SYT16: variants seen among roughly 807,000 people sequenced by gnomAD.
SYT16 encodes the protein synaptotagmin-16.
In SYT16, 42 loss-of-function variants were observed where a neutral mutation model predicts 61.4. The ratio of observed to expected loss-of-function variants is 0.68; its 90% CI spans 0.53 to 0.89. The LOEUF (loss-of-function observed/expected upper bound fraction) is 0.89. Among genes scored for constraint, SYT16 ranks in the 40% least tolerant of loss-of-function variants. SYT16 has a pLI of 0.00. For synonymous variants in SYT16, 314 were observed against 302.3 expected (o/e 1.04, Z -0.40); for missense variants, 804 against 807.3 (o/e 1.00, Z 0.05).
At chr14:61,980,526 T>C (rs1170461853) in intron 2 of SYT16, among the ~76,000 whole-genome samples, 2 of 152,218 alleles carry the variant, frequency 1.3e-5, no homozygotes, top group Non-Finnish European at 2.9e-5. Context: ...GCCCATCACC[T>C]GTTTGGTGTG....
intron 1 of SYT16, among the ~76,000 whole-genome samples, chr14:61,933,970 TGA>T (rs1194472674): frequency 3.3e-5 from 5 of 152,296 alleles, no homozygotes; most frequent in East Asian, 3.9e-4. Context: ...TGTGTATATA[TGA>T]GAGTGTGTGT....
chr14:61,936,403 G>A (rs1297859971), intron 1 of SYT16, among the ~76,000 whole-genome samples: 1 of 151,762 alleles, frequency 6.6e-6, no homozygotes, highest in Non-Finnish European at 1.5e-5. Flanking sequence ...CGGCTGCTGG[G>A]GGATAGATAG....
intron 3 of SYT16, among the ~76,000 whole-genome samples, chr14:62,021,061 A>C (rs1424144823): frequency 6.6e-6 from 1 of 151,868 alleles, no homozygotes; most frequent in African/African-American, 2.4e-5. Context: ...TCTCCTAAGA[A>C]CTCATCTTGT....
intron 1 of SYT16, among the ~76,000 whole-genome samples, chr14:61,822,345 C>T (rs1417099665): frequency 5.9e-5 from 9 of 152,306 alleles, no homozygotes; most frequent in Admixed American, 5.9e-4. Context: ...GTGGGGCCAC[C>T]AGCCAACTGG....
intron 1 of SYT16, among the ~76,000 whole-genome samples, chr14:61,863,247 T>C (rs1797489216): frequency 6.6e-6 from 1 of 152,100 alleles, no homozygotes; most frequent in African/African-American, 2.4e-5. Flanking sequence ...CAGCAGTGAA[T>C]GAGAGTTCCT....
intron 1 of SYT16, among the ~76,000 whole-genome samples, chr14:61,863,021 A>G (rs2047012885): frequency 6.6e-6 from 1 of 152,190 alleles, no homozygotes; most frequent in Non-Finnish European, 1.5e-5. Context: ...CCATTTACCT[A>G]TTGAGGGACA....
At chr14:62,037,071 G>A (rs1358324530) in intron 3 of SYT16, among the ~76,000 whole-genome samples, 1 of 152,194 alleles carries the variant, frequency 6.6e-6, no homozygotes, top group African/African-American at 2.4e-5. Context: ...AGCCTCCACT[G>A]TATGCAGCAA....
chr14:61,953,868 T>A (rs932434748), intron 1 of SYT16, among the ~76,000 whole-genome samples: 13 of 152,156 alleles, frequency 8.5e-5, no homozygotes, highest in African/African-American at 1.2e-4. Context: ...TGGAGGAGAA[T>A]GTAGTCATGC....
chr14:61,915,159 A>T (rs764638774), intron 1 of SYT16, among the ~76,000 whole-genome samples: 1 of 152,170 alleles, frequency 6.6e-6, no homozygotes, highest in Non-Finnish European at 1.5e-5. Flanking sequence ...GATAATGAGG[A>T]TAGCCGGATG....
chr14:62,064,095 T>C (rs2140926465), intron 3 of SYT16, among the ~76,000 whole-genome samples: 1 of 152,220 alleles, frequency 6.6e-6, no homozygotes, highest in South Asian at 2.1e-4. Context: ...TAATAAAAAT[T>C]TCTACTGTAT....
intron 1 of SYT16, among the ~76,000 whole-genome samples, chr14:61,959,061 T>C (rs1354452685): frequency 6.6e-6 from 1 of 152,190 alleles, no homozygotes; most frequent in Admixed American, 6.5e-5. Context: ...AATATGAGTA[T>C]AGCCACTTTG....
At chr14:61,865,974 A>T (rs2047139715) in intron 1 of SYT16, among the ~76,000 whole-genome samples, 1 of 152,224 alleles carries the variant, frequency 6.6e-6, no homozygotes, top group Non-Finnish European at 1.5e-5. Flanking sequence ...TTACTTAAGA[A>T]ATTATTGGAT....
chr14:61,964,792 C>A (rs928788259), intron 1 of SYT16, among the ~76,000 whole-genome samples: 5 of 151,988 alleles, frequency 3.3e-5, no homozygotes, highest in African/African-American at 1.2e-4. Flanking sequence ...TAACAGCCAC[C>A]CCAACCTTCA....
intron 1 of SYT16, chr14:61,865,020 G>A (rs1325597032): frequency 7.1e-7 from 1 of 1,414,362 alleles, no homozygotes; most frequent in Non-Finnish European, 1.0e-6. Flanking sequence ...GATGCCCTGA[G>A]AGGGCATTTC....
chr14:61,901,284 G>GGCTGCT (rs966399161), intron 1 of SYT16, among the ~76,000 whole-genome samples: 1 of 152,110 alleles, frequency 6.6e-6, no homozygotes, highest in East Asian at 1.9e-4. Flanking sequence ...GTGTACCTAT[G>GGCTGCT]GCTGCTGCTG....
At chr14:61,848,538 A>C (rs983819414) in intron 1 of SYT16, among the ~76,000 whole-genome samples, 1 of 152,128 alleles carries the variant, frequency 6.6e-6, no homozygotes, top group African/African-American at 2.4e-5. Context: ...CCAGCACAAC[A>C]CTGGGCCTCA....
chr14:62,095,480 ATGTTAC>A (rs2057241676), intron 7 of SYT16, among the ~76,000 whole-genome samples: 1 of 152,004 alleles, frequency 6.6e-6, no homozygotes, highest in African/African-American at 2.4e-5. Flanking sequence ...GAGCTTTAAA[ATGTTAC>A]TATTTATAAT....
chr14:62,016,423 G>T (rs775726574), intron 3 of SYT16, among the ~76,000 whole-genome samples: 27 of 152,012 alleles, frequency 1.8e-4, no homozygotes, highest in Non-Finnish European at 3.5e-4. Flanking sequence ...GCCGGGTGTG[G>T]TGGCTCACGT....
At position 62,108,982 on chromosome 14, in the gene SYT16, A is replaced by G. The variant is rs2057558227; in HGVS notation, c.*8275A>G. ...CTTCTTCCCCGTGAACATTTTGAAC[A>G]CCACAGTGCTATATTTGTTACAACT... On this transcript the variant is annotated 3_prime_UTR_variant, in exon 8 of 8. Coordinates refer to ENST00000683842, the MANE Select transcript of SYT16 (RefSeq NM_001367656.1). 6.6e-6 allele frequency: 1 copy of G among 152,216 alleles called. No individual in the cohort carries two copies. The highest frequency in any genetic ancestry group is 1.5e-5 in the Non-Finnish European group (1 of 68,044). 9.4% of individuals were successfully genotyped at this position (152,216 alleles called of 1,614,324 possible). A position where few individuals can be genotyped will look rare whatever the true frequency, so the allele number is the denominator to read the frequency against.
Sources: gnomAD v4.1 joint callset for allele counts (sites outside exome capture counted in the v4.1 genomes callset) on GRCh38, gnomAD v4.1.1 for gene constraint, MANE v1.5 for transcripts, NCBI Gene and HGNC (gene_info 2026-07-23, HGNC 2026-07-21) for gene names.